Variants in MCTP2 observed in about 807,000 individuals in gnomAD.
MCTP2 encodes multiple C2 and transmembrane domain-containing protein 2.
Under a neutral mutation model 111.6 loss-of-function variants are expected in MCTP2, and 132 were observed. That is an observed-to-expected ratio of 1.18 (90% CI 1.03 to 1.37). The LOEUF (loss-of-function observed/expected upper bound fraction) is 1.37, where lower values mean the gene tolerates loss of function less well. Among genes scored for constraint, MCTP2 ranks in the 40% most tolerant of loss-of-function variants. The probability of loss-of-function intolerance (pLI) is 0.00; values close to 1 mark genes in which losing one functional copy is unlikely to be tolerated. For synonymous variants in MCTP2, 395 were observed against 387.7 expected, an observed-to-expected ratio of 1.02 and a Z score of -0.22; for missense variants, 1,183 against 1,067.9, an observed-to-expected ratio of 1.11 and a Z score of -1.50.
intron 2 of MCTP2, among the ~76,000 whole-genome samples, chr15:94,300,169 C>G (rs987920879): frequency 2.0e-5 from 3 of 151,888 alleles, no homozygotes; most frequent in Non-Finnish European, 4.4e-5. Context: ...TTTTCATACT[C>G]AGAAGGAATT....
intron 1 of MCTP2, among the ~76,000 whole-genome samples, chr15:94,245,680 A>T (rs887111534): frequency 6.8e-6 from 1 of 146,212 alleles, no homozygotes; most frequent in African/African-American, 2.5e-5. Context: ...ATACATATGT[A>T]TGTGTATACA....
chr15:94,242,560 T>C (rs1188684685), intron 1 of MCTP2, among the ~76,000 whole-genome samples: 4 of 152,028 alleles, frequency 2.6e-5, no homozygotes, highest in Non-Finnish European at 5.9e-5. Flanking sequence ...TAGGATCTGA[T>C]ACTAAATTAC....
chr15:94,354,203 C>G (rs112188487), intron 8 of MCTP2, among the ~76,000 whole-genome samples: 1 of 152,116 alleles, frequency 6.6e-6, no homozygotes, highest in African/African-American at 2.4e-5. Flanking sequence ...CTCATTTGCC[C>G]CTTCTGTTCT....
chr15:94,453,012 TTTTC>T (rs533986379), intron 19 of MCTP2, among the ~76,000 whole-genome samples: 146 of 152,338 alleles, frequency 9.6e-4, no homozygotes, highest in African/African-American at 3.4e-3. Flanking sequence ...TAACTGATTC[TTTTC>T]TTTACTGAAG....
chr15:94,335,623 C>T (rs2077324178), intron 4 of MCTP2, among the ~76,000 whole-genome samples: 1 of 152,086 alleles, frequency 6.6e-6, no homozygotes, highest in South Asian at 2.1e-4. Flanking sequence ...TTATGGACTC[C>T]AAAGATAATT....
chr15:94,298,963 C>G, intron 2 of MCTP2, among the ~76,000 whole-genome samples: 1 of 9,996 alleles, frequency 1.0e-4, no homozygotes, highest in Non-Finnish European at 1.5e-4. Context: ...CCCTCTCTCC[C>G]TCTCTCCCTC....
intron 4 of MCTP2, among the ~76,000 whole-genome samples, chr15:94,327,567 C>T (rs2076938407): frequency 6.6e-6 from 1 of 152,176 alleles, no homozygotes; most frequent in Non-Finnish European, 1.5e-5. Flanking sequence ...AGATCATTGG[C>T]CACATCTGGG....
chr15:94,470,039 T>C (rs2073782986), intron 20 of MCTP2, among the ~76,000 whole-genome samples: 1 of 152,178 alleles, frequency 6.6e-6, no homozygotes, highest in East Asian at 1.9e-4. Flanking sequence ...CATTGCAGTT[T>C]TTAATCACTT....
chr15:94,298,664 G>A lies in MCTP2; in HGVS notation c.399G>A (p.Val133=), dbSNP rs755692363. ...CCTCTCCTGCTGAGCGGAGACGGGT[G>A]TCCAGCAACGGCATCTTTGATCTTC... ...AYASPAERRR[V]SSNGIFDLQK... is the part of the protein sequence containing the mutation. The change falls in exon 2 of 23, where the codon GTG becomes GTA. Residue 133 remains valine, a synonymous_variant. Coordinates refer to ENST00000357742, the MANE Select transcript of MCTP2 (RefSeq NM_001385001.1). The A allele has an allele frequency of 4.3e-6, 7 of 1,613,684 alleles. No homozygotes were observed. Among genetic ancestry groups the A allele is most frequent in the Middle Eastern group, 1.7e-4 (1 of 6,060 alleles).
intron 1 of MCTP2, among the ~76,000 whole-genome samples, chr15:94,285,312 C>G (rs1332666812): frequency 1.4e-4 from 21 of 152,026 alleles, no homozygotes; most frequent in Non-Finnish European, 1.0e-4. Context: ...AAATTCTAGA[C>G]TCTCAGAAGG....
intron 7 of MCTP2, 90 bp downstream of exon 7, chr15:94,341,014 C>A: frequency 1.2e-6 from 1 of 813,976 alleles, no homozygotes; most frequent in Non-Finnish European, 2.1e-6. Flanking sequence ...TAGCAGATGA[C>A]TGATGTTTTT....
At chr15:94,305,933 A>G (rs764027252) in intron 2 of MCTP2, among the ~76,000 whole-genome samples, 1 of 152,096 alleles carries the variant, frequency 6.6e-6, no homozygotes, top group Non-Finnish European at 1.5e-5. Flanking sequence ...CTCTCCCAGT[A>G]CTTACTTTAC....
intron 1 of MCTP2, among the ~76,000 whole-genome samples, chr15:94,244,544 A>G (rs1474538805): frequency 6.8e-6 from 1 of 146,600 alleles, no homozygotes; most frequent in Non-Finnish European, 1.5e-5. Flanking sequence ...GTATACACAT[A>G]CATATGCACC....
chr15:94,387,905 T>G (rs1451464454), intron 14 of MCTP2, among the ~76,000 whole-genome samples: 1 of 152,102 alleles, frequency 6.6e-6, no homozygotes, highest in African/African-American at 2.4e-5. Flanking sequence ...GAGAAATCCC[T>G]CCCAGGCAGG....
At chr15:94,264,822 A>G (rs1401387787) in intron 1 of MCTP2, among the ~76,000 whole-genome samples, 1 of 152,182 alleles carries the variant, frequency 6.6e-6, no homozygotes, top group Non-Finnish European at 1.5e-5. Flanking sequence ...AGTAAAGGAT[A>G]CTCATGTATG....
At chr15:94,336,676 C>CATAT (rs10644556) in intron 4 of MCTP2, among the ~76,000 whole-genome samples, 3,801 of 146,608 alleles carry the variant, frequency 0.026, 65 homozygotes, top group African/African-American at 0.053. Context: ...TTTTGCTTAG[C>CATAT]ATATATATAT....
intron 4 of MCTP2, among the ~76,000 whole-genome samples, chr15:94,325,201 A>G (rs2076804920): frequency 6.6e-6 from 1 of 152,188 alleles, no homozygotes; most frequent in African/African-American, 2.4e-5. Context: ...CGGTCTAGCC[A>G]TGAGCCTGCT....
At chr15:94,243,239 A>G (rs1054224875) in intron 1 of MCTP2, among the ~76,000 whole-genome samples, 2 of 149,400 alleles carry the variant, frequency 1.3e-5, no homozygotes, top group African/African-American at 4.9e-5. Context: ...GTACATACAC[A>G]TGCGTATATG....
At chr15:94,245,270 ATATACG>A (rs1567263801) in intron 1 of MCTP2, among the ~76,000 whole-genome samples, 1 of 136,908 alleles carries the variant, frequency 7.3e-6, no homozygotes, top group Non-Finnish European at 1.6e-5. Context: ...ACATATGTGT[ATATACG>A]TATATACACA....
Sources: gnomAD v4.1 joint callset for allele counts (sites outside exome capture counted in the v4.1 genomes callset) on GRCh38, gnomAD v4.1.1 for gene constraint, MANE v1.5 for transcripts, NCBI Gene and HGNC (gene_info 2026-07-23, HGNC 2026-07-21) for gene names.